Variants in DRC9 observed in about 807,000 individuals in gnomAD.
The protein encoded by DRC9 is dynein regulatory complex protein 9.
the DRC9 span, among the ~76,000 whole-genome samples, chr3:197,897,211 C>T: frequency 2.0e-5 from 3 of 151,328 alleles, no homozygotes; most frequent in African/African-American, 7.3e-5. Context: ...AATGGATTAT[C>T]TTCTAGGAAG....
At chr3:197,932,293 G>C in the DRC9 span, 15 of 1,609,094 alleles carry the variant, frequency 9.3e-6, no homozygotes, top group Non-Finnish European at 1.3e-5. Context: ...TCACATCGCT[G>C]AAAAACTGCC....
chr3:197,935,474 A>AT, the DRC9 span, among the ~76,000 whole-genome samples: 4 of 151,474 alleles, frequency 2.6e-5, no homozygotes, highest in African/African-American at 9.7e-5. Flanking sequence ...TAAATTTGTG[A>AT]TTTTTAAAAT....
chr3:197,913,993 T>C, the DRC9 span: 1 of 1,614,014 alleles, frequency 6.2e-7, no homozygotes, highest in African/African-American at 1.3e-5. Flanking sequence ...GGATTTTGCC[T>C]TCATCTCTTG....
At chr3:197,938,398 G>A in the DRC9 span, 1 of 649,158 alleles carries the variant, frequency 1.5e-6, no homozygotes, top group Non-Finnish European at 2.8e-6. Flanking sequence ...CCTGCCTCTA[G>A]GCAGTCTTTA....
At chr3:197,905,183 C>T in the DRC9 span, among the ~76,000 whole-genome samples, 2 of 151,994 alleles carry the variant, frequency 1.3e-5, no homozygotes, top group East Asian at 3.9e-4. Flanking sequence ...AACAGGGCGA[C>T]CATAGTCAAT....
At chr3:197,912,325 C>T in the DRC9 span, among the ~76,000 whole-genome samples, 1 of 152,190 alleles carries the variant, frequency 6.6e-6, no homozygotes, top group African/African-American at 2.4e-5. Flanking sequence ...CAGGCGTGAG[C>T]CACTGTGCCC....
the DRC9 span, among the ~76,000 whole-genome samples, chr3:197,947,470 T>C: frequency 7.0e-4 from 107 of 152,300 alleles, no homozygotes; most frequent in Non-Finnish European, 7.6e-4. Flanking sequence ...CTTTCCTTGC[T>C]CTCTGGGCTC....
At chr3:197,891,174 T>C in the DRC9 span, among the ~76,000 whole-genome samples, 2 of 152,212 alleles carry the variant, frequency 1.3e-5, no homozygotes, top group Admixed American at 1.3e-4. Context: ...GACATAGTAA[T>C]CTGATATTTC....
At chr3:197,908,610 A>C in the DRC9 span, among the ~76,000 whole-genome samples, 1 of 145,436 alleles carries the variant, frequency 6.9e-6, no homozygotes, top group Non-Finnish European at 1.5e-5. Flanking sequence ...GCACCCTCCC[A>C]GATGAAGTTA....
the DRC9 span, among the ~76,000 whole-genome samples, chr3:197,904,340 T>C: frequency 6.6e-6 from 1 of 152,102 alleles, no homozygotes. Context: ...ACGGTATTGG[T>C]TGGTGGAAAT....
chr3:197,892,543 GCCCTAATTCCTTC>G, the DRC9 span: 7 of 1,435,908 alleles, frequency 4.9e-6, no homozygotes, highest in Admixed American at 1.3e-4. Flanking sequence ...CTCAGTGAGT[GCCCTAATTCCTTC>G]CACTCCCTCC....
At chr3:197,919,891 A>G in the DRC9 span, among the ~76,000 whole-genome samples, 37,648 of 152,036 alleles carry the variant, frequency 0.25, 5,857 homozygotes, top group African/African-American at 0.45. Context: ...CAGGAAAAAA[A>G]TAGTTCTCTA....
chr3:197,938,070 C>A, the DRC9 span, among the ~76,000 whole-genome samples: 1 of 152,060 alleles, frequency 6.6e-6, no homozygotes, highest in African/African-American at 2.4e-5. Context: ...AATCCCAGCA[C>A]TTTGGGAGGC....
chr3:197,890,493 G>C, the DRC9 span, among the ~76,000 whole-genome samples: 1 of 151,718 alleles, frequency 6.6e-6, no homozygotes, highest in Non-Finnish European at 1.5e-5. Flanking sequence ...TTGCTTAAAA[G>C]ATCAGTTGTC....
chr3:197,921,265 T>G, the DRC9 span, among the ~76,000 whole-genome samples: 11 of 117,498 alleles, frequency 9.4e-5, no homozygotes, highest in South Asian at 7.9e-4. Flanking sequence ...CTCCGGGGAT[T>G]TAACCTGATT....
the DRC9 span, among the ~76,000 whole-genome samples, chr3:197,898,256 T>A: frequency 6.6e-6 from 1 of 152,130 alleles, no homozygotes; most frequent in Non-Finnish European, 1.5e-5. Flanking sequence ...ACAAAGGAAA[T>A]AACAAATTAT....
At chr3:197,959,594 A>T in the DRC9 span, 1 of 152,204 alleles carries the variant, frequency 6.6e-6, no homozygotes, top group African/African-American at 2.4e-5. Context: ...TAGTGTCATG[A>T]GCCACTGGGA....
At chr3:197,908,504 C>G in the DRC9 span, among the ~76,000 whole-genome samples, 7 of 135,050 alleles carry the variant, frequency 5.2e-5, no homozygotes, top group Admixed American at 1.5e-4. Context: ...GACTGTACCA[C>G]GTCTGAAGAG....
the DRC9 span, chr3:197,913,356 G>A: frequency 4.9e-6 from 1 of 205,502 alleles, no homozygotes; most frequent in Admixed American, 6.4e-5. Context: ...GTGTGTGCGT[G>A]CGTGCGTGTG....
Sources: allele counts gnomAD v4.1 joint callset (sites outside exome capture counted in the v4.1 genomes callset), GRCh38; gene constraint gnomAD v4.1.1; transcripts MANE v1.5; gene names NCBI Gene and HGNC (gene_info 2026-07-23, HGNC 2026-07-21).